Variants in FAF1 observed in about 807,000 individuals in gnomAD.
FAF1 encodes Fas associated factor 1.
In FAF1, 25 loss-of-function variants were observed where a neutral mutation model predicts 92.5. That is an observed-to-expected ratio of 0.27 (90% CI 0.20 to 0.38). The LOEUF (loss-of-function observed/expected upper bound fraction) is 0.38, where lower values mean the gene tolerates loss of function less well. Ranked by LOEUF, FAF1 falls within the 10% of genes least tolerant of loss-of-function variation. The probability of loss-of-function intolerance (pLI) is 1.00; values close to 1 mark genes in which losing one functional copy is unlikely to be tolerated. For missense variants in FAF1, 636 were observed against 793.3 expected (o/e 0.80, Z 2.38); for synonymous variants, 234 against 273.2 (o/e 0.86, Z 1.42).
intron 13 of FAF1, among the ~76,000 whole-genome samples, chr1:50,555,986 G>A (rs941494685): frequency 1.1e-4 from 16 of 151,560 alleles, no homozygotes; most frequent in African/African-American, 3.9e-4. Flanking sequence ...TATATATGGT[G>A]TGTATATATA....
At chr1:50,520,800 G>A (rs1647460160) in intron 15 of FAF1, among the ~76,000 whole-genome samples, 1 of 152,180 alleles carries the variant, frequency 6.6e-6, no homozygotes, top group Non-Finnish European at 1.5e-5. Context: ...AGCCCTGACT[G>A]TGCCACTGCA....
intron 1 of FAF1, among the ~76,000 whole-genome samples, chr1:50,892,342 C>G (rs1006043224): frequency 2.6e-5 from 4 of 152,234 alleles, no homozygotes; most frequent in African/African-American, 9.6e-5. Context: ...TTGGTTCACG[C>G]TTGGTGCGCT....
chr1:50,664,394 C>T (rs1655527350), intron 7 of FAF1, among the ~76,000 whole-genome samples: 1 of 151,600 alleles, frequency 6.6e-6, no homozygotes. Context: ...CAATAAATGA[C>T]CTATTGGTCT....
At chr1:50,913,290 T>C (rs986806967) in intron 1 of FAF1, among the ~76,000 whole-genome samples, 1 of 152,220 alleles carries the variant, frequency 6.6e-6, no homozygotes, top group Non-Finnish European at 1.5e-5. Flanking sequence ...ACAAATACAT[T>C]TCTTTTGCAC....
chr1:50,907,074 G>A (rs917038632), intron 1 of FAF1, among the ~76,000 whole-genome samples: 57 of 152,174 alleles, frequency 3.7e-4, no homozygotes, highest in Non-Finnish European at 7.9e-4. Context: ...AGTTTATTGA[G>A]AGTTTTTAGC....
At chr1:50,497,827 T>C (rs915653642) in intron 15 of FAF1, among the ~76,000 whole-genome samples, 3 of 152,022 alleles carry the variant, frequency 2.0e-5, no homozygotes, top group Admixed American at 1.3e-4. Flanking sequence ...GGATTACAGG[T>C]GTGTGCCACC....
At chr1:50,525,843 G>A (rs1465206158) in intron 15 of FAF1, among the ~76,000 whole-genome samples, 2 of 152,058 alleles carry the variant, frequency 1.3e-5, no homozygotes, top group Non-Finnish European at 2.9e-5. Context: ...GCATAATAAT[G>A]TGAATGCAAA....
At chr1:50,848,902 C>T (rs748990800) in intron 2 of FAF1, among the ~76,000 whole-genome samples, 29 of 152,148 alleles carry the variant, frequency 1.9e-4, no homozygotes, top group Non-Finnish European at 2.8e-4. Context: ...TGATCTTGAA[C>T]CAGAAAAAGC....
At chr1:50,905,322 T>C (rs1644827795) in intron 1 of FAF1, among the ~76,000 whole-genome samples, 1 of 152,214 alleles carries the variant, frequency 6.6e-6, no homozygotes, top group South Asian at 2.1e-4. Context: ...GTCTTTGCTA[T>C]TGTGAATAGT....
In FAF1 at chr1:50,783,821, A is replaced by G. The variant is rs12076381; in HGVS notation, c.367+4179T>C. Among the ~76,000 whole-genome samples, 1,501 of 152,104 alleles carry G rather than the reference A, an allele frequency of 9.9e-3. 23 individuals carry two copies. The highest frequency in any genetic ancestry group is 0.034 in the African/African-American group (1,424 of 41,482). ...ACCTAGGAGGCGGAGGTTGCAGTGA[A>G]CCAAGATCACACCACTGCACTCCAG... is the stretch of plus-strand genomic sequence containing the variant. On this transcript the variant is annotated intron_variant, in intron 4 of 18. Transcript: ENST00000396153.
intron 6 of FAF1, among the ~76,000 whole-genome samples, chr1:50,731,516 C>T (rs1336204179): frequency 5.3e-5 from 8 of 151,908 alleles, no homozygotes; most frequent in Non-Finnish European, 1.0e-4. Flanking sequence ...ACTACAGGCA[C>T]CTGCCACCAC....
chr1:50,829,301 T>C (rs975812086), intron 2 of FAF1, among the ~76,000 whole-genome samples: 1 of 152,166 alleles, frequency 6.6e-6, no homozygotes, highest in African/African-American at 2.4e-5. Context: ...AAGCAGATGA[T>C]GGTACCAGGC....
chr1:50,474,639 T>A (rs1000957373), intron 18 of FAF1, among the ~76,000 whole-genome samples: 2 of 152,198 alleles, frequency 1.3e-5, no homozygotes, highest in Non-Finnish European at 2.9e-5. Flanking sequence ...TTAACGTGTA[T>A]TCAGCTTAAT....
At chr1:50,633,386 CAAT>C (rs1456157269) in intron 8 of FAF1, among the ~76,000 whole-genome samples, 1 of 152,170 alleles carries the variant, frequency 6.6e-6, no homozygotes, top group Non-Finnish European at 1.5e-5. Flanking sequence ...GAAATCTCCA[CAAT>C]AATAAGAACT....
At position 50,683,991 on chromosome 1, in the gene FAF1, T is replaced by C. The variant is rs41478350; in HGVS notation, c.657+21795A>G. 6.5e-3 allele frequency among the ~76,000 whole-genome samples: 988 copies of C among 152,138 alleles called. 19 individuals carry two copies. The highest frequency in any genetic ancestry group is 0.023 in the African/African-American group (942 of 41,516). ...AGACATTACATTTTTTATTTGTTGG[T>C]ATTATAGCATCTATGACTAGGAAAA... is the stretch of plus-strand genomic sequence containing the variant. On this transcript the variant is annotated intron_variant, in intron 7 of 18. Transcript: ENST00000396153.
At chr1:50,890,770 C>A (rs937201819) in intron 1 of FAF1, among the ~76,000 whole-genome samples, 1 of 152,160 alleles carries the variant, frequency 6.6e-6, no homozygotes, top group African/African-American at 2.4e-5. Context: ...GGTAACTCGA[C>A]CTTTCTCTCT....
At chr1:50,655,966 G>A (rs936147851) in intron 7 of FAF1, among the ~76,000 whole-genome samples, 3 of 152,140 alleles carry the variant, frequency 2.0e-5, no homozygotes, top group Non-Finnish European at 4.4e-5. Flanking sequence ...GGCAAGGGGG[G>A]CAGGGGAGGA....
chr1:50,648,792 G>A (rs1009970943), intron 8 of FAF1, among the ~76,000 whole-genome samples: 1 of 152,172 alleles, frequency 6.6e-6, no homozygotes, highest in Admixed American at 6.5e-5. Flanking sequence ...TGGGTGTGGT[G>A]GCGCATGCCT....
intron 1 of FAF1, among the ~76,000 whole-genome samples, chr1:50,890,124 C>A (rs1186178997): frequency 6.6e-6 from 1 of 151,388 alleles, no homozygotes; most frequent in Non-Finnish European, 1.5e-5. Flanking sequence ...ATGTAATGGC[C>A]CTGTCTCTTT....
Sources: allele counts gnomAD v4.1 joint callset (sites outside exome capture counted in the v4.1 genomes callset), GRCh38; gene constraint gnomAD v4.1.1; transcripts MANE v1.5; gene names NCBI Gene and HGNC (gene_info 2026-07-23, HGNC 2026-07-21).